Variants in PCDHGB4 observed in about 807,000 individuals in gnomAD.
PCDHGB4 encodes protocadherin gamma subfamily B, 4.
PCDHGB4 carries 38 observed loss-of-function variants against 60.5 expected under a neutral mutation model. The ratio of observed to expected loss-of-function variants is 0.63; its 90% CI spans 0.48 to 0.82. PCDHGB4 has a LOEUF of 0.82. PCDHGB4 is among the 40% of genes least tolerant of loss of function. The pLI, the probability that PCDHGB4 is intolerant of heterozygous loss-of-function variation, is 0.00. For missense variants in PCDHGB4, 1,109 were observed against 1,209.6 expected, an observed-to-expected ratio of 0.92 and a Z score of 1.23; for synonymous variants, 456 against 509.7, an observed-to-expected ratio of 0.89 and a Z score of 1.42.
At chr5:141,430,689 T>A in intron 1 of PCDHGB4, 1 of 1,408,998 alleles carries the variant, frequency 7.1e-7, no homozygotes, top group Non-Finnish European at 9.4e-7. Flanking sequence ...TCCCATTCTA[T>A]GGGCGAAGGA....
chr5:141,500,188 A>T (rs182086759), intron 2 of PCDHGB4, among the ~76,000 whole-genome samples: 173 of 98,190 alleles, frequency 1.8e-3, no homozygotes, highest in African/African-American at 4.0e-3. Flanking sequence ...TTTTATTTTT[A>T]TTTATTTATT....
At chr5:141,507,450 CAG>C (rs940460926) in intron 3 of PCDHGB4, among the ~76,000 whole-genome samples, 3 of 152,168 alleles carry the variant, frequency 2.0e-5, no homozygotes, top group African/African-American at 7.2e-5. Flanking sequence ...GACGGAAGGA[CAG>C]AGAGAGAGGT....
intron 1 of PCDHGB4, among the ~76,000 whole-genome samples, chr5:141,449,588 C>CA (rs768743917): frequency 0.036 from 2,064 of 56,756 alleles, 20 homozygotes; most frequent in Middle Eastern, 0.06. Context: ...GACTCTGTCT[C>CA]AAAAAAAAAA....
intron 1 of PCDHGB4, chr5:141,415,738 A>G (rs2095905853): frequency 5.6e-6 from 3 of 538,228 alleles, no homozygotes; most frequent in South Asian, 3.9e-5. Context: ...ATGTTTATTA[A>G]GGTTTTTTTT....
At chr5:141,423,591 A>G in intron 1 of PCDHGB4, 1 of 1,613,312 alleles carries the variant, frequency 6.2e-7, no homozygotes, top group South Asian at 1.1e-5. Context: ...GCTGTGAGAA[A>G]AGCGAGCCAC....
In PCDHGB4 at chr5:141,419,638, C is replaced by T. The variant is rs191182165; in HGVS notation, c.2397+29357C>T. On this transcript the variant is annotated intron_variant, in intron 1 of 3. Coordinates refer to ENST00000519479, the MANE Select transcript of PCDHGB4 (RefSeq NM_003736.4). Reference sequence around the variant, plus strand: ...GCTACCTGGTGACCAAGGTGGTGGCCGTGGACGCGGACTCGGGGCACAATG... The same window carrying T: ...GCTACCTGGTGACCAAGGTGGTGGCTGTGGACGCGGACTCGGGGCACAATG... The T allele has an allele frequency of 4.9e-3, 7,979 of 1,612,456 alleles. 44 individuals are homozygous for T. Among genetic ancestry groups the T allele is most frequent in the Admixed American group, 9.5e-3 (568 of 60,000 alleles).
chr5:141,395,542 TTGTGTGTG>T (rs55729045), intron 1 of PCDHGB4: 8,424 of 171,616 alleles, frequency 0.049, 167 homozygotes, highest in African/African-American at 0.088. Context: ...TTGCTATTGT[TTGTGTGTG>T]TGTGTGTGTG....
At position 141,387,947 on chromosome 5, in the gene PCDHGB4, G is replaced by C. The variant is rs1240846942; in HGVS notation, c.63G>C (p.Leu21=). ...AERLPVLFLF[L]LSLFCPALCE... is the part of the protein sequence containing the mutation. ...GGCTGCCAGTGCTCTTTCTCTTCCT[G>C]CTGTCTTTGTTCTGCCCGGCGCTCT... is the stretch of plus-strand genomic sequence containing the variant. The change falls in exon 1 of 4, where the codon CTG becomes CTC. Residue 21 remains leucine (L), a synonymous_variant. Transcript: ENST00000519479. 25 of 1,484,496 alleles carry C rather than the reference G, an allele frequency of 1.7e-5. No individual in the cohort carries two copies. The highest frequency in any genetic ancestry group is 2.2e-5 in the Non-Finnish European group (24 of 1,113,408). The allele number at this position is 1,484,496 out of a possible 1,614,324, so 92.0% of individuals were successfully genotyped here.
At chr5:141,427,712 C>CCTGG (rs1319672065) in intron 1 of PCDHGB4, 7 of 1,051,350 alleles carry the variant, frequency 6.7e-6, no homozygotes, top group Non-Finnish European at 1.0e-5. Context: ...GCGCCTCTGA[C>CCTGG]CTGGACCTAG....
Position 141,491,067 on chromosome 5 carries a change from G to A in PCDHGB4, c.2398-3740G>A, listed in dbSNP as rs752758445. On this transcript the variant is annotated intron_variant, in intron 1 of 3. Coordinates refer to ENST00000519479, the MANE Select transcript of PCDHGB4 (RefSeq NM_003736.4). This position sits in a 1 kb window ranked among gnomAD's most constrained non-coding sequence, Gnocchi z 6.9. ...ACAATGCGTGGCTCTCCTACTCACT[G>A]TTGCCACAGTCCACAGCCCCAGGAC... is the stretch of plus-strand genomic sequence containing the variant. 6.2e-7 allele frequency: 1 copy of A among 1,614,200 alleles called. No individual in the cohort carries two copies. Among genetic ancestry groups the A allele is most frequent in the East Asian group, 2.2e-5 (1 of 44,892 alleles).
At chr5:141,483,743 C>G (rs1360515518) in intron 1 of PCDHGB4, among the ~76,000 whole-genome samples, 2 of 152,022 alleles carry the variant, frequency 1.3e-5, no homozygotes, top group Non-Finnish European at 2.9e-5. Context: ...AAAGGATATT[C>G]CTGAGGATCG....
intron 1 of PCDHGB4, among the ~76,000 whole-genome samples, chr5:141,488,434 C>T (rs1231743982): frequency 2.6e-5 from 4 of 152,166 alleles, no homozygotes; most frequent in African/African-American, 7.2e-5. Flanking sequence ...TGGCCTCTGA[C>T]CACCCTCCTG....
At chr5:141,451,610 G>T (rs184745360) in intron 1 of PCDHGB4, among the ~76,000 whole-genome samples, 60 of 152,298 alleles carry the variant, frequency 3.9e-4, no homozygotes, top group African/African-American at 1.3e-3. Context: ...GGCTAGGCAT[G>T]GTGGCTCAAA....
intron 1 of PCDHGB4, among the ~76,000 whole-genome samples, chr5:141,462,361 T>C (rs1354253099): frequency 6.6e-6 from 1 of 152,282 alleles, no homozygotes; most frequent in Non-Finnish European, 1.5e-5. Flanking sequence ...ATACATTGTA[T>C]AGTTTCTATT....
intron 1 of PCDHGB4, chr5:141,395,547 TGTG>T (rs1561655259): frequency 0.04 from 6,887 of 174,198 alleles, 418 homozygotes; most frequent in African/African-American, 0.079. Context: ...ATTGTTTGTG[TGTG>T]TGTGTGTGTG....
At chr5:141,449,888 A>G (rs544369390) in intron 1 of PCDHGB4, among the ~76,000 whole-genome samples, 1 of 151,990 alleles carries the variant, frequency 6.6e-6, no homozygotes, top group Non-Finnish European at 1.5e-5. Flanking sequence ...ATGCAATATA[A>G]TTATTTAGCC....
In PCDHGB4 at chr5:141,486,657, T is replaced by G. The variant is rs1171065175; in HGVS notation, c.2398-8150T>G. On this transcript the variant is annotated intron_variant, in intron 1 of 3. Transcript: ENST00000519479. The surrounding 1 kb of genome is among the most constrained non-coding windows in gnomAD (Gnocchi z 5.0). ...AATGCGCTTATCTCCTACTCACTCC[T>G]GGAGCCCAGGAATCGAGATGTATCA... 3 of 1,614,010 alleles carry G rather than the reference T, an allele frequency of 1.9e-6. No homozygotes were observed. Among genetic ancestry groups the G allele is most frequent in the Non-Finnish European group, 2.5e-6 (3 of 1,180,030 alleles).
intron 1 of PCDHGB4, chr5:141,413,201 A>G (rs746209535): frequency 1.9e-6 from 3 of 1,611,954 alleles, no homozygotes; most frequent in Non-Finnish European, 2.5e-6. Context: ...AATCGCTCAA[A>G]GGAATCAAAG....
At chr5:141,394,198 T>C in intron 1 of PCDHGB4, 1 of 1,613,874 alleles carries the variant, frequency 6.2e-7, no homozygotes, top group East Asian at 2.2e-5. Context: ...GCGTATATCC[T>C]AGAGAACAAC....
Sources: gnomAD v4.1 joint callset for allele counts (sites outside exome capture counted in the v4.1 genomes callset) on GRCh38, gnomAD v4.1.1 for gene constraint, Gnocchi (gnomAD v3.1) non-coding constraint, MANE v1.5 for transcripts, NCBI Gene and HGNC (gene_info 2026-07-23, HGNC 2026-07-21) for gene names.